HELQ: variants seen among roughly 807,000 people sequenced by gnomAD.
HELQ encodes the protein helicase, POLQ like, also known as helicase POLQ-like.
Under a neutral mutation model 111.6 loss-of-function variants are expected in HELQ, and 77 were observed. The ratio of observed to expected loss-of-function variants is 0.69; its 90% CI spans 0.57 to 0.83. The LOEUF (loss-of-function observed/expected upper bound fraction) is 0.83. Ranked by LOEUF, HELQ falls within the 40% of genes least tolerant of loss-of-function variation. The pLI, the probability that HELQ is intolerant of heterozygous loss-of-function variation, is 0.00. For missense variants in HELQ, 1,200 were observed against 1,288.5 expected, an observed-to-expected ratio of 0.93 and a Z score of 1.05; for synonymous variants, 438 against 454.7, an observed-to-expected ratio of 0.96 and a Z score of 0.47.
At chr4:83,452,013 GC>G (rs1199987362) in intron 2 of HELQ, among the ~76,000 whole-genome samples, 1 of 152,204 alleles carries the variant, frequency 6.6e-6, no homozygotes, top group Non-Finnish European at 1.5e-5. Context: ...GGTTGATGGG[GC>G]TGACCCTCCA....
At chr4:83,437,806 TTAAAGACA>T (rs1434008632) in intron 8 of HELQ, among the ~76,000 whole-genome samples, 2 of 152,098 alleles carry the variant, frequency 1.3e-5, no homozygotes, top group South Asian at 2.1e-4. Flanking sequence ...GATAGTTTTT[TTAAAGACA>T]TAAATTTTCT....
At chr4:83,438,776 A>G (rs997723924) in intron 8 of HELQ, among the ~76,000 whole-genome samples, 30 of 149,658 alleles carry the variant, frequency 2.0e-4, no homozygotes, top group African/African-American at 7.6e-4. Flanking sequence ...AGGAAAAGAG[A>G]AAAAAAGGCA....
chr4:83,427,458 C>T, intron 13 of HELQ, 105 bp downstream of exon 13: 2 of 909,664 alleles, frequency 2.2e-6, no homozygotes, highest in Non-Finnish European at 3.2e-6. Context: ...AGTTTGAGAC[C>T]AGCCTGGGCA....
In HELQ at chr4:83,446,951, T is replaced by C. The variant is rs767822633; in HGVS notation, c.1276A>G (p.Lys426Glu). 16 of 1,613,086 alleles carry C rather than the reference T, an allele frequency of 9.9e-6. No homozygotes were observed. In the African/African-American group the frequency reaches 1.9e-4, roughly 19 times the overall value. The change falls in exon 4 of 18, where the codon AAA becomes GAA. Residue 426 changes from lysine (K) to glutamate (E), a missense_variant. Physicochemically the swap from Lys to Glu is moderately conservative, Grantham distance 56. Around this residue, in one of 3 missense-constraint regions of HELQ, gnomAD observed 610 missense variants for 607.1 expected, o/e 1.00. Transcript: ENST00000295488. ...AGSKGRFPPT[K>E]RREKKSLYIA... is the part of the protein sequence containing the mutation. ...TAGAGTGATTTCTTTTCCCTTCTTT[T>C]AGTTGGAGGAAATCTTCCTTTGCTT...
Position 83,425,439 on chromosome 4 carries a change from T to C in HELQ, c.2775+555A>G, listed in dbSNP as rs181762422. Among the ~76,000 whole-genome samples, 105 of 152,340 alleles carry C rather than the reference T, an allele frequency of 6.9e-4. 1 individual carries two copies. Among genetic ancestry groups the C allele is most frequent in the African/African-American group, 2.4e-3 (101 of 41,586 alleles). Reference sequence around the variant, plus strand: ...ATCGAAGGTATGGTTATGAAAGAATTACTTCAATTTCTCTTAAAGTTAGTG... The same window carrying C: ...ATCGAAGGTATGGTTATGAAAGAATCACTTCAATTTCTCTTAAAGTTAGTG... On this transcript the variant is annotated intron_variant, in intron 14 of 17. Transcript: ENST00000295488.
chr4:83,450,222 T>TAAAAAAAAAAAAAAAAAAA (rs71668650), intron 2 of HELQ, among the ~76,000 whole-genome samples: 3 of 45,594 alleles, frequency 6.6e-5, no homozygotes, highest in Non-Finnish European at 5.3e-5. Context: ...CAGTTAAGTT[T>TAAAAAAAAAAAAAAAAAAA]AAAAAAAAAA....
intron 5 of HELQ, 131 bp from the exon 6 acceptor site, chr4:83,443,745 A>G (rs1459915927): frequency 2.0e-6 from 1 of 506,502 alleles, no homozygotes; most frequent in Admixed American, 3.4e-5. Context: ...TGGGAGAGGT[A>G]AGTAAGAAAA....
intron 15 of HELQ, 144 bp downstream of exon 15, chr4:83,421,419 T>C: frequency 1.6e-6 from 1 of 609,250 alleles, no homozygotes; most frequent in Non-Finnish European, 2.9e-6. Flanking sequence ...AACGTACATT[T>C]TAAATAGTTT....
At chr4:83,441,533 T>C in intron 6 of HELQ, 130 bp from the exon 7 acceptor site, 1 of 519,052 alleles carries the variant, frequency 1.9e-6, no homozygotes, top group Non-Finnish European at 3.4e-6. Context: ...ACATAAAACA[T>C]GCTTCAACTT....
intron 11 of HELQ, 77 bp downstream of exon 11, chr4:83,431,587 T>C (rs1042293913): frequency 8.8e-6 from 5 of 569,752 alleles, no homozygotes; most frequent in Admixed American, 3.1e-5. Flanking sequence ...CAGTTGCATA[T>C]ATAAAGTTAT....
chr4:83,413,625 C>T (rs916591961), intron 17 of HELQ, among the ~76,000 whole-genome samples: 1 of 152,144 alleles, frequency 6.6e-6, no homozygotes, highest in Non-Finnish European at 1.5e-5. Flanking sequence ...TAGGTCTTAA[C>T]GGTTTTCTAG....
At chr4:83,445,551 C>T (rs1721005205) in intron 5 of HELQ, among the ~76,000 whole-genome samples, 1 of 152,000 alleles carries the variant, frequency 6.6e-6, no homozygotes, top group Non-Finnish European at 1.5e-5. Context: ...CTTAAACTGA[C>T]CTATTTAAAT....
chr4:83,434,044 T>A (rs1720311595), intron 9 of HELQ, among the ~76,000 whole-genome samples: 2 of 147,068 alleles, frequency 1.4e-5, no homozygotes, highest in Non-Finnish European at 3.0e-5. Context: ...TTCTTAGAAA[T>A]AAAAAAAAAT....
chr4:83,454,813 ACTGCAGCGCTTCC>A (rs1482913625), intron 1 of HELQ, among the ~76,000 whole-genome samples: 1 of 152,142 alleles, frequency 6.6e-6, no homozygotes, highest in Non-Finnish European at 1.5e-5. Context: ...GTTTCTGATA[ACTGCAGCGCTTCC>A]CTCCCAGACT....
intron 3 of HELQ, among the ~76,000 whole-genome samples, chr4:83,447,662 C>T (rs1721123448): frequency 6.6e-6 from 1 of 151,966 alleles, no homozygotes; most frequent in African/African-American, 2.4e-5. Context: ...CGTTTGAGAT[C>T]AGCCTGGCCA....
At chr4:83,431,396 G>A (rs1365181481) in intron 11 of HELQ, among the ~76,000 whole-genome samples, 4 of 151,770 alleles carry the variant, frequency 2.6e-5, no homozygotes, top group African/African-American at 4.8e-5. Context: ...GGGCTCAAAC[G>A]ATCCTCCTGT....
intron 8 of HELQ, among the ~76,000 whole-genome samples, chr4:83,438,922 A>G (rs1720610354): frequency 6.6e-6 from 1 of 152,094 alleles, no homozygotes; most frequent in Non-Finnish European, 1.5e-5. Context: ...TGTCACTCCC[A>G]GAGATTCTGA....
chr4:83,411,804 T>C (rs1739118956), intron 17 of HELQ, among the ~76,000 whole-genome samples: 1 of 147,512 alleles, frequency 6.8e-6, no homozygotes, highest in African/African-American at 2.5e-5. Context: ...CCTGGCTAAT[T>C]AAAAAAAAAA....
intron 3 of HELQ, among the ~76,000 whole-genome samples, chr4:83,447,876 G>C (rs1721135500): frequency 7.3e-6 from 1 of 137,010 alleles, no homozygotes; most frequent in African/African-American, 3.0e-5. Flanking sequence ...AAAAAAAAAA[G>C]CATCAGAATA....
Sources: allele counts gnomAD v4.1 joint callset (sites outside exome capture counted in the v4.1 genomes callset), GRCh38; gene constraint gnomAD v4.1.1; regional missense constraint gnomAD v4.1.1; transcripts MANE v1.5; gene names NCBI Gene and HGNC (gene_info 2026-07-23, HGNC 2026-07-21).